Variants in LAP3 observed in about 807,000 individuals in gnomAD.
LAP3 encodes leucine aminopeptidase 3.
Under a neutral mutation model 58.8 loss-of-function variants are expected in LAP3, and 46 were observed. That is an observed-to-expected ratio of 0.78 (90% CI 0.62 to 1.00). LAP3 has a LOEUF of 1.00. LAP3 is among the 50% of genes least tolerant of loss of function. The pLI is 0.00. For synonymous variants in LAP3, 257 were observed against 237.7 expected, an observed-to-expected ratio of 1.08 and a Z score of -0.75; for missense variants, 615 against 659.1, an observed-to-expected ratio of 0.93 and a Z score of 0.73.
intron 7 of LAP3, among the ~76,000 whole-genome samples, chr4:17,595,064 C>T (rs976166666): frequency 4.0e-5 from 6 of 151,544 alleles, no homozygotes; most frequent in Admixed American, 3.9e-4. Flanking sequence ...TTTGGGAGGC[C>T]GAGGCTGGCG....
chr4:17,601,556 T>C (rs78481704), intron 10 of LAP3, among the ~76,000 whole-genome samples: 2,387 of 152,246 alleles, frequency 0.016, 72 homozygotes, highest in African/African-American at 0.055. Flanking sequence ...AAAGTATTAA[T>C]AGGTATGTAT....
chr4:17,599,485 G>A (rs1056286241), intron 10 of LAP3, among the ~76,000 whole-genome samples: 2 of 152,056 alleles, frequency 1.3e-5, no homozygotes, highest in African/African-American at 4.8e-5. Context: ...GTAGTGAGCC[G>A]AGATCATGCC....
intron 6 of LAP3, among the ~76,000 whole-genome samples, chr4:17,586,485 C>A (rs1172274918): frequency 1.3e-5 from 2 of 152,292 alleles, no homozygotes; most frequent in South Asian, 4.1e-4. Context: ...ATAAAAGTAT[C>A]TTTTTGGTCA....
chr4:17,593,397 C>T (rs972768158), intron 7 of LAP3, among the ~76,000 whole-genome samples: 20 of 151,870 alleles, frequency 1.3e-4, no homozygotes, highest in Admixed American at 6.6e-4. Context: ...TACCTTGGCA[C>T]CTCGGGTGGA....
At chr4:17,596,384 GGC>G (rs1713831037) in intron 8 of LAP3, among the ~76,000 whole-genome samples, 1 of 152,008 alleles carries the variant, frequency 6.6e-6, no homozygotes, top group South Asian at 2.1e-4. Flanking sequence ...TTGTTGCCCA[GGC>G]TGGAGTGCAA....
At chr4:17,584,881 G>C (rs1457763795) in intron 5 of LAP3, 91 bp from the exon 6 acceptor site, 2 of 1,287,846 alleles carry the variant, frequency 1.6e-6, no homozygotes, top group Admixed American at 5.0e-5. Flanking sequence ...TTCCTCTTTT[G>C]TTTTCTGTAA....
At chr4:17,606,222 G>C (rs1427956466) in intron 11 of LAP3, among the ~76,000 whole-genome samples, 2 of 152,178 alleles carry the variant, frequency 1.3e-5, no homozygotes, top group Admixed American at 1.3e-4. Flanking sequence ...CGCCACATAA[G>C]AACTCTTTCA....
At chr4:17,597,676 A>G (rs946829209) in intron 9 of LAP3, among the ~76,000 whole-genome samples, 3 of 152,228 alleles carry the variant, frequency 2.0e-5, no homozygotes. Flanking sequence ...ATACATGTGT[A>G]TACACACGTT....
At chr4:17,587,755 C>T (rs1441091409) in intron 6 of LAP3, 2 of 152,134 alleles carry the variant, frequency 1.3e-5, no homozygotes, top group African/African-American at 4.8e-5. Flanking sequence ...CCCCACCGAT[C>T]CCATGTTTAT....
intron 7 of LAP3, among the ~76,000 whole-genome samples, 181 bp downstream of exon 7, chr4:17,589,158 T>C (rs1338640881): frequency 6.6e-6 from 1 of 151,650 alleles, no homozygotes. Context: ...CCTCCCAGGC[T>C]CAAGCAATCC....
chr4:17,583,713 C>G (rs930957917), intron 5 of LAP3, 71 bp downstream of exon 5: 4 of 1,565,398 alleles, frequency 2.6e-6, no homozygotes, highest in African/African-American at 2.7e-5. Flanking sequence ...GGGATATGAG[C>G]TGCCTGCTTT....
intron 10 of LAP3, 82 bp downstream of exon 10, chr4:17,598,640 T>A: frequency 9.7e-7 from 1 of 1,032,554 alleles, no homozygotes; most frequent in Non-Finnish European, 1.5e-6. Context: ...CTTGTGGCAT[T>A]ATTTTGCTAA....
At chr4:17,595,338 G>C (rs1713803476) in intron 7 of LAP3, 72 bp from the exon 8 acceptor site, 2 of 1,568,972 alleles carry the variant, frequency 1.3e-6, no homozygotes, top group African/African-American at 2.7e-5. Flanking sequence ...GTGCCCATCT[G>C]TACTTTTTAA....
intron 7 of LAP3, among the ~76,000 whole-genome samples, chr4:17,591,810 G>T (rs1329234125): frequency 6.6e-6 from 1 of 152,192 alleles, no homozygotes; most frequent in Non-Finnish European, 1.5e-5. Context: ...GTACACAGAA[G>T]CTTGGTCGCT....
At chr4:17,597,316 C>CTCG (rs769630211) in intron 9 of LAP3, among the ~76,000 whole-genome samples, 182 bp downstream of exon 9, 2 of 152,218 alleles carry the variant, frequency 1.3e-5, no homozygotes, top group African/African-American at 2.4e-5. Context: ...CGCTGCATCA[C>CTCG]CCAGGCTGTA....
At chr4:17,584,928 T>C in intron 5 of LAP3, 44 bp from the exon 6 acceptor site, 1 of 1,599,548 alleles carries the variant, frequency 6.3e-7, no homozygotes, top group Non-Finnish European at 8.5e-7. Flanking sequence ...CAGTCAGCGT[T>C]CTTGAGAGGT....
chr4:17,603,002 T>A (rs560251408), intron 10 of LAP3, among the ~76,000 whole-genome samples: 13 of 151,566 alleles, frequency 8.6e-5, no homozygotes, highest in Admixed American at 7.2e-4. Context: ...AGGATAAATT[T>A]TTAAAGCATA....
chr4:17,588,798 T>A (rs1713598203), intron 6 of LAP3, 21 bp from the exon 7 acceptor site: 1 of 1,592,852 alleles, frequency 6.3e-7, no homozygotes, highest in Admixed American at 1.8e-5. Context: ...TATTTACTTT[T>A]TCCCTCTTTC....
chr4:17,584,937 GTTGT>G (rs2038966410), intron 5 of LAP3, 31 bp from the exon 6 acceptor site: 3 of 1,606,798 alleles, frequency 1.9e-6, no homozygotes, highest in Non-Finnish European at 2.6e-6. Context: ...TTCTTGAGAG[GTTGT>G]TTGACAGTCA....
Sources: gnomAD v4.1 joint callset for allele counts (sites outside exome capture counted in the v4.1 genomes callset) on GRCh38, gnomAD v4.1.1 for gene constraint, MANE v1.5 for transcripts, NCBI Gene and HGNC (gene_info 2026-07-23, HGNC 2026-07-21) for gene names.